Variants in CREM observed in about 807,000 individuals in gnomAD.
The protein encoded by CREM is cAMP responsive element modulator.
A neutral mutation model predicts 37.3 loss-of-function variants in CREM; 13 were observed. The observed-to-expected ratio is 0.35, with a 90% confidence interval of 0.23 to 0.55. The LOEUF (loss-of-function observed/expected upper bound fraction) is 0.55. Among genes scored for constraint, CREM ranks in the 20% least tolerant of loss-of-function variants. CREM has a pLI of 0.88. For synonymous variants in CREM, 124 were observed against 120.2 expected, an observed-to-expected ratio of 1.03 and a Z score of -0.21; for missense variants, 296 against 362.3, an observed-to-expected ratio of 0.82 and a Z score of 1.49.
intron 2 of CREM, among the ~76,000 whole-genome samples, chr10:35,142,272 GA>G (rs1589347573): frequency 6.6e-6 from 1 of 152,206 alleles, no homozygotes; most frequent in African/African-American, 2.4e-5. Flanking sequence ...AAAACTGTTA[GA>G]GGGGGAGAGA....
chr10:35,200,716 C>T (rs1042037411), intron 6 of CREM, among the ~76,000 whole-genome samples: 8 of 152,128 alleles, frequency 5.3e-5, no homozygotes, highest in Non-Finnish European at 1.0e-4. Context: ...AGAAGCCCCC[C>T]ACTTAGAAGT....
chr10:35,186,741 GTTATAA>G (rs973661416), intron 5 of CREM, among the ~76,000 whole-genome samples: 33 of 129,538 alleles, frequency 2.5e-4, no homozygotes, highest in Middle Eastern at 5.1e-3. Flanking sequence ...ATTATATATA[GTTATAA>G]TTATATATAG....
chr10:35,195,807 C>A, intron 6 of CREM: 1 of 514,820 alleles, frequency 1.9e-6, no homozygotes, highest in Non-Finnish European at 3.5e-6. Context: ...AATCGTATTT[C>A]AGCAGGGGAA....
chr10:35,178,788 C>T, intron 3 of CREM, 101 bp from the exon 4 acceptor site: 2 of 829,610 alleles, frequency 2.4e-6, no homozygotes, highest in Non-Finnish European at 3.7e-6. Flanking sequence ...TTCCACAGCT[C>T]CTGGCTCAGT....
chr10:35,199,907 AAGAC>A (rs1434836657), intron 6 of CREM, among the ~76,000 whole-genome samples: 2 of 14,928 alleles, frequency 1.3e-4, no homozygotes, highest in Non-Finnish European at 3.9e-4. Context: ...TTTTTTTTTT[AAGAC>A]AGAGTTTCAC....
chr10:35,132,507 ATT>A (rs2089619609), intron 1 of CREM, among the ~76,000 whole-genome samples: 1 of 152,252 alleles, frequency 6.6e-6, no homozygotes, highest in African/African-American at 2.4e-5. Flanking sequence ...GTGAATCTAT[ATT>A]AGAGAGCCTC....
intron 3 of CREM, chr10:35,154,176 ATT>A (rs2092759207): frequency 2.5e-6 from 1 of 398,022 alleles, no homozygotes; most frequent in Admixed American, 4.4e-5. Context: ...CGAGTTGTAA[ATT>A]TTCTTTTTTA....
In CREM at chr10:35,165,712, T is replaced by C. The variant is rs143470640; in HGVS notation, c.169-13177T>C. On this transcript the variant is annotated intron_variant, in intron 3 of 7. Coordinates refer to ENST00000685392, the MANE Select transcript of CREM (RefSeq NM_183011.2). ...TGTCCATTTTTATAGTACTTTAATA[T>C]ATATATTATTATAATAAGTGAAACA... Among the ~76,000 whole-genome samples the C allele has an allele frequency of 1.9e-3, 286 of 151,438 alleles. 1 individual carries two copies. The highest frequency in any genetic ancestry group is 6.6e-3 in the African/African-American group (272 of 41,440).
At chr10:35,144,492 C>CT (rs2091837191) in intron 2 of CREM, among the ~76,000 whole-genome samples, 1 of 152,114 alleles carries the variant, frequency 6.6e-6, no homozygotes, top group South Asian at 2.1e-4. Context: ...TGGGAGCCAT[C>CT]TGCATATAGG....
At chr10:35,168,389 T>C (rs2093653146) in intron 3 of CREM, among the ~76,000 whole-genome samples, 1 of 152,262 alleles carries the variant, frequency 6.6e-6, no homozygotes, top group African/African-American at 2.4e-5. Context: ...GCTGCATAAA[T>C]GTCTTCTTTT....
chr10:35,175,776 G>A (rs1429393419), intron 3 of CREM: 1 of 1,613,648 alleles, frequency 6.2e-7, no homozygotes, highest in Non-Finnish European at 8.5e-7. Context: ...ATATTAGTGA[G>A]TGGTATTACT....
At chr10:35,196,065 G>A (rs2095147154) in intron 6 of CREM, 1 of 1,614,148 alleles carries the variant, frequency 6.2e-7, no homozygotes, top group Non-Finnish European at 8.5e-7. Context: ...TGTAATGCAT[G>A]AACAGAACTC....
intron 6 of CREM, chr10:35,195,128 G>A: frequency 6.3e-7 from 1 of 1,580,720 alleles, no homozygotes; most frequent in Non-Finnish European, 8.7e-7. Flanking sequence ...TTGCTAATTT[G>A]GAACACTTTA....
At chr10:35,194,234 C>G (rs1164722941) in intron 6 of CREM, among the ~76,000 whole-genome samples, 1 of 149,528 alleles carries the variant, frequency 6.7e-6, no homozygotes, top group East Asian at 2.0e-4. Flanking sequence ...ATTTTTGTGT[C>G]TAACCTTATA....
At chr10:35,197,416 CTTTATTTA>C (rs202009348) in intron 6 of CREM, among the ~76,000 whole-genome samples, 6,172 of 142,746 alleles carry the variant, frequency 0.043, 184 homozygotes, top group African/African-American at 0.073. Context: ...TTTCATTTTA[CTTTATTTA>C]TTTATTTATT....
Position 35,189,132 on chromosome 10 carries a change from T to G in CREM, c.598+744T>G, listed in dbSNP as rs566159432. The stretch of plus-strand genomic sequence containing the variant: ...CCTAGCTGTTACTTTCAAGTCTAAT[T>G]TCTAGGCAACTCATTTCAAAACAAA... On this transcript the variant is annotated intron_variant, in intron 6 of 7. Transcript: ENST00000685392. 2.5e-3 allele frequency among the ~76,000 whole-genome samples: 385 copies of G among 152,306 alleles called. 3 individuals carry two copies. Among genetic ancestry groups the G allele is most frequent in the African/African-American group, 9.0e-3 (373 of 41,576 alleles).
At chr10:35,158,832 T>TTTTTTTTG (rs2093108070) in intron 3 of CREM, among the ~76,000 whole-genome samples, 1 of 147,936 alleles carries the variant, frequency 6.8e-6, no homozygotes, top group African/African-American at 2.5e-5. Flanking sequence ...TTTTTTTTTT[T>TTTTTTTTG]TTTTTACAGA....
chr10:35,127,725 G>C (rs777421038), intron 1 of CREM, among the ~76,000 whole-genome samples: 2 of 152,242 alleles, frequency 1.3e-5, no homozygotes, highest in Non-Finnish European at 1.5e-5. Flanking sequence ...TCCGGAGTGG[G>C]AAGGGCAGAG....
Position 35,188,396 on chromosome 10 carries a change from T to G in CREM, c.598+8T>G, listed in dbSNP as rs549330885. ...GCCAGGTTGTTGTTCAAGGTATATT[T>G]TATTAATCTAATACATTTAGAATAC... On this transcript the variant is annotated splice_region_variant and intron_variant, in intron 6 of 7. Transcript: ENST00000685392. The G allele has an allele frequency of 5.0e-6, 8 of 1,605,628 alleles. No homozygotes were observed. The African/African-American group carries it at 9.4e-5, about 19-fold the overall frequency.
Sources: gnomAD v4.1 joint callset for allele counts (sites outside exome capture counted in the v4.1 genomes callset) on GRCh38, gnomAD v4.1.1 for gene constraint, MANE v1.5 for transcripts, NCBI Gene and HGNC (gene_info 2026-07-23, HGNC 2026-07-21) for gene names.